Variants in ITGA8 observed in about 807,000 individuals in gnomAD.
ITGA8 encodes integrin subunit alpha 8.
ITGA8 carries 91 observed loss-of-function variants against 142.3 expected under a neutral mutation model. That is an observed-to-expected ratio of 0.64 (90% confidence interval 0.54 to 0.76). The LOEUF (loss-of-function observed/expected upper bound fraction) is 0.76, where lower values mean the gene tolerates loss of function less well. ITGA8 is among the 30% of genes least tolerant of loss of function. The pLI, the probability that ITGA8 is intolerant of heterozygous loss-of-function variation, is 0.00. For synonymous variants in ITGA8, 505 were observed against 485.2 expected (o/e 1.04, Z -0.54); for missense variants, 1,406 against 1,327.7 (o/e 1.06, Z -0.92).
intron 13 of ITGA8, among the ~76,000 whole-genome samples, chr10:15,633,885 G>A (rs1833725913): frequency 6.6e-6 from 1 of 152,184 alleles, no homozygotes; most frequent in Admixed American, 6.5e-5. Flanking sequence ...TGGGTCAGAT[G>A]ATGACCAAAA....
rs369520338 is a variant in ITGA8 at position 15,554,212 on chromosome 10, G to C, written c.2766+3862C>G. On this transcript the variant is annotated intron_variant, in intron 26 of 29. Coordinates refer to ENST00000378076, the MANE Select transcript of ITGA8 (RefSeq NM_003638.3). ...AGGAAGTTAATTTAGGACTTCCGCAGCTCCCTGCTTGCCACCCATTTGTTT... is the reference window on the plus strand; with the variant it reads ...AGGAAGTTAATTTAGGACTTCCGCACCTCCCTGCTTGCCACCCATTTGTTT... 1.6e-4 allele frequency among the ~76,000 whole-genome samples: 24 copies of C among 152,266 alleles called. No individual in the cohort carries two copies. The South Asian group carries it at 4.8e-3, about 30-fold the overall frequency.
chr10:15,587,946 C>T (rs1398906769), intron 22 of ITGA8, among the ~76,000 whole-genome samples: 3 of 152,054 alleles, frequency 2.0e-5, no homozygotes, highest in Non-Finnish European at 4.4e-5. Flanking sequence ...ATTTTATAAT[C>T]CTATTATGCT....
chr10:15,564,694 T>A lies in ITGA8; in HGVS notation c.2638-6492A>T, dbSNP rs548219380. Among the ~76,000 whole-genome samples the A allele has an allele frequency of 4.6e-5, 7 of 152,302 alleles. No homozygotes were observed. The South Asian group carries it at 1.4e-3, about 32-fold the overall frequency. ...AGGATGTGCAGTACAGTCGGAAATG[T>A]GGCATTTGAAAAAAGGAGTTGGGTG... On this transcript the variant is annotated intron_variant, in intron 25 of 29. Transcript: ENST00000378076.
chr10:15,697,889 G>C lies in ITGA8; in HGVS notation c.344-9851C>G, dbSNP rs185886475. On this transcript the variant is annotated intron_variant, in intron 2 of 29. Coordinates refer to ENST00000378076, the MANE Select transcript of ITGA8 (RefSeq NM_003638.3). ...CAGTCTTGTGAAGTAAAGAAAAATG[G>C]TATTATATTTTCTTCTTAAATTTAT... 9.8e-3 allele frequency among the ~76,000 whole-genome samples: 1,492 copies of C among 152,238 alleles called. 14 individuals are homozygous for C. Among genetic ancestry groups the C allele is most frequent in the Non-Finnish European group, 0.014 (971 of 68,024 alleles).
Position 15,623,079 on chromosome 10 carries a change from C to A in ITGA8, c.1400-6520G>T, listed in dbSNP as rs58493806. On this transcript the variant is annotated intron_variant, in intron 13 of 29. Transcript: ENST00000378076. Reference sequence around the variant, plus strand: ...ATGTGTACCGCTGACCTAGTTTCTACTTCTAGGAATTTATCCTGAGGATAT... The same window carrying A: ...ATGTGTACCGCTGACCTAGTTTCTAATTCTAGGAATTTATCCTGAGGATAT... Among the ~76,000 whole-genome samples the A allele has an allele frequency of 3.6e-3, 548 of 152,254 alleles. 3 individuals carry two copies. Among genetic ancestry groups the A allele is most frequent in the African/African-American group, 0.013 (520 of 41,528 alleles).
At chr10:15,618,673 C>T (rs986639355) in intron 13 of ITGA8, among the ~76,000 whole-genome samples, 17 of 152,248 alleles carry the variant, frequency 1.1e-4, no homozygotes, top group Middle Eastern at 3.4e-3. Context: ...GGCAGAGGAA[C>T]GACAAAAGAC....
chr10:15,597,417 CA>C (rs1460177200), intron 20 of ITGA8, 118 bp from the exon 21 acceptor site: 19 of 714,788 alleles, frequency 2.7e-5, no homozygotes, highest in Non-Finnish European at 3.9e-5. Context: ...GGCGATAGTG[CA>C]AAAAAAGTAA....
At chr10:15,592,148 T>C (rs1452909177) in intron 22 of ITGA8, 77 bp downstream of exon 22, 13 of 1,086,698 alleles carry the variant, frequency 1.2e-5, no homozygotes, top group Non-Finnish European at 1.8e-5. Flanking sequence ...CCAAGGGCCT[T>C]GACAGATGAC....
chr10:15,610,615 C>G (rs1485369646), intron 15 of ITGA8, among the ~76,000 whole-genome samples: 1 of 152,172 alleles, frequency 6.6e-6, no homozygotes, highest in African/African-American at 2.4e-5. Flanking sequence ...ACTACATGAT[C>G]TTCTGAGGCT....
chr10:15,562,818 G>A (rs1289369115), intron 25 of ITGA8, among the ~76,000 whole-genome samples: 1 of 152,186 alleles, frequency 6.6e-6, no homozygotes, highest in Non-Finnish European at 1.5e-5. Context: ...GCACAATGAG[G>A]AGGAGGGGAA....
rs34758919 is a variant in ITGA8, at chr10:15,527,906, C to CTTTTTTTTTTTT, written c.2982+3132_2982+3143dup. Among the ~76,000 whole-genome samples, 8 of 78,036 alleles carry CTTTTTTTTTTTT rather than the reference C, an allele frequency of 1.0e-4. 4 individuals are homozygous for CTTTTTTTTTTTT. The highest frequency in any genetic ancestry group is 2.1e-4 in the African/African-American group (4 of 18,992). 51.2% of individuals were successfully genotyped at this position (78,036 alleles called of 152,430 possible). ...TTAAAGCAATTCCCTTTCGGCTGGG[C>CTTTTTTTTTTTT]TTTTTTTTTTTTTTTTTTTTTTTTT... is the stretch of plus-strand genomic sequence containing the variant. On this transcript the variant is annotated intron_variant, in intron 28 of 29. Transcript: ENST00000378076.
At chr10:15,634,587 A>T (rs1229324691) in intron 13 of ITGA8, among the ~76,000 whole-genome samples, 1 of 152,228 alleles carries the variant, frequency 6.6e-6, no homozygotes, top group Non-Finnish European at 1.5e-5. Context: ...AACATCTAGC[A>T]TAGTGCCAGG....
At chr10:15,647,449 G>GTTT (rs71505078) in intron 11 of ITGA8, among the ~76,000 whole-genome samples, 1,297 of 91,536 alleles carry the variant, frequency 0.014, 34 homozygotes, top group Middle Eastern at 0.025. Flanking sequence ...AAATTATTCA[G>GTTT]TTTTTTTTTT....
At chr10:15,568,930 T>C (rs554840136) in intron 25 of ITGA8, among the ~76,000 whole-genome samples, 1 of 152,262 alleles carries the variant, frequency 6.6e-6, no homozygotes, top group East Asian at 1.9e-4. Flanking sequence ...TCAGGGCATA[T>C]TTGGGAAGTT....
chr10:15,542,314 A>G (rs577666012), intron 27 of ITGA8, among the ~76,000 whole-genome samples: 12 of 152,338 alleles, frequency 7.9e-5, no homozygotes, highest in African/African-American at 2.6e-4. Flanking sequence ...AGACCAATGC[A>G]GGAGCCATGA....
At chr10:15,666,865 A>C (rs1298477638) in intron 8 of ITGA8, among the ~76,000 whole-genome samples, 9 of 152,222 alleles carry the variant, frequency 5.9e-5, no homozygotes, top group Non-Finnish European at 1.3e-4. Context: ...CGAGGGATGA[A>C]GCCCACTTGA....
Position 15,616,504 on chromosome 10 carries a change from A to G in ITGA8, c.1445+10T>C, listed in dbSNP as rs1833394015. 6.2e-7 allele frequency: 1 copy of G among 1,600,700 alleles called. No individual in the cohort carries two copies. The highest frequency in any genetic ancestry group is 8.6e-7 in the Non-Finnish European group (1 of 1,168,990). Reference sequence around the variant, plus strand: ...ATGAGAAAAACATTTGAATACTACCAACCACATACCTGTAAACAGCGACTT... The same window carrying G: ...ATGAGAAAAACATTTGAATACTACCGACCACATACCTGTAAACAGCGACTT... On this transcript the variant is annotated intron_variant, in intron 14 of 29. Transcript: ENST00000378076.
In ITGA8 at chr10:15,548,577, A is replaced by T. The variant is rs375071064; in HGVS notation, c.2767-9T>A. The T allele has an allele frequency of 5.1e-6, 8 of 1,564,302 alleles. No individual in the cohort carries two copies. Among genetic ancestry groups the T allele is most frequent in the Non-Finnish European group, 7.0e-6 (8 of 1,137,172 alleles). On this transcript the variant is annotated splice_polypyrimidine_tract_variant and intron_variant, in intron 26 of 29. Transcript: ENST00000378076. The stretch of plus-strand genomic sequence containing the variant: ...TCGATATTTGTACAATTCTGCAAAC[A>T]GCAGTGGGAACACGTCAGAGTCTTT...
intron 2 of ITGA8, among the ~76,000 whole-genome samples, chr10:15,716,716 G>A (rs45459095): frequency 0.16 from 23,365 of 148,124 alleles, 1,912 homozygotes; most frequent in Middle Eastern, 0.24. Flanking sequence ...TGTTGCCCAG[G>A]CTGGAGTGCA....
Sources: gnomAD v4.1 joint callset for allele counts (sites outside exome capture counted in the v4.1 genomes callset) on GRCh38, gnomAD v4.1.1 for gene constraint, MANE v1.5 for transcripts, NCBI Gene and HGNC (gene_info 2026-07-23, HGNC 2026-07-21) for gene names.